FRMD4A: variants seen among roughly 807,000 people sequenced by gnomAD.
FRMD4A encodes FERM domain containing 4A.
A neutral mutation model predicts 129.1 loss-of-function variants in FRMD4A; 29 were observed. The observed-to-expected ratio is 0.22, with a 90% CI of 0.17 to 0.31. The LOEUF (loss-of-function observed/expected upper bound fraction) is 0.31. Ranked by LOEUF, FRMD4A falls within the 10% of genes least tolerant of loss-of-function variation. The pLI, the probability that FRMD4A is intolerant of heterozygous loss-of-function variation, is 1.00. For synonymous variants in FRMD4A, 634 were observed against 571.6 expected (o/e 1.11, Z -1.56); for missense variants, 1,272 against 1,375.8 (o/e 0.92, Z 1.19).
intron 2 of FRMD4A, among the ~76,000 whole-genome samples, chr10:14,001,588 C>T (rs565021837): frequency 3.5e-4 from 53 of 152,328 alleles, no homozygotes; most frequent in Middle Eastern, 3.4e-3. Context: ...AATGGCTTAA[C>T]ATGACATAAG....
chr10:13,936,723 G>C (rs933066656), intron 2 of FRMD4A, among the ~76,000 whole-genome samples: 1 of 152,126 alleles, frequency 6.6e-6, no homozygotes, highest in South Asian at 2.1e-4. Flanking sequence ...CTAGTCTATG[G>C]GATTCTATTA....
At chr10:13,811,619 C>A (rs186828800) in intron 3 of FRMD4A, among the ~76,000 whole-genome samples, 2 of 150,934 alleles carry the variant, frequency 1.3e-5, no homozygotes, top group African/African-American at 4.9e-5. Context: ...CACACCAGAG[C>A]GTTAGGCATA....
intron 2 of FRMD4A, among the ~76,000 whole-genome samples, chr10:14,237,424 A>G (rs1843866011): frequency 6.6e-6 from 1 of 152,086 alleles, no homozygotes; most frequent in African/African-American, 2.4e-5. Context: ...TCTGCCTCCC[A>G]GGTTCAAGTG....
At chr10:14,171,528 T>C (rs1359004483) in intron 2 of FRMD4A, among the ~76,000 whole-genome samples, 2 of 152,306 alleles carry the variant, frequency 1.3e-5, no homozygotes, top group South Asian at 2.1e-4. Context: ...AGACAGAGTA[T>C]GTTCAGGTGC....
chr10:13,816,376 T>C (rs755651889), intron 3 of FRMD4A, among the ~76,000 whole-genome samples: 2 of 152,058 alleles, frequency 1.3e-5, no homozygotes, highest in Non-Finnish European at 2.9e-5. Flanking sequence ...AGAGTGAGAG[T>C]TGATGGATGG....
At chr10:13,736,937 T>G (rs1031053018) in intron 12 of FRMD4A, among the ~76,000 whole-genome samples, 13 of 152,232 alleles carry the variant, frequency 8.5e-5, no homozygotes, top group African/African-American at 3.1e-4. Flanking sequence ...TTGTATCCCT[T>G]TCAAACATTC....
chr10:14,328,377 G>T (rs1229805939), intron 2 of FRMD4A, among the ~76,000 whole-genome samples: 5 of 116,178 alleles, frequency 4.3e-5, no homozygotes, highest in South Asian at 6.8e-4. Context: ...GGTGGGGGGG[G>T]GGGGTGTATA....
chr10:13,910,845 A>G (rs2094932855), intron 2 of FRMD4A, among the ~76,000 whole-genome samples: 1 of 144,618 alleles, frequency 6.9e-6, no homozygotes, highest in African/African-American at 2.6e-5. Context: ...AAACCACGGC[A>G]TCATTCACCA....
At chr10:14,124,748 G>T (rs1005186260) in intron 2 of FRMD4A, among the ~76,000 whole-genome samples, 3 of 152,126 alleles carry the variant, frequency 2.0e-5, no homozygotes, top group Non-Finnish European at 4.4e-5. Flanking sequence ...GTAACAAGTG[G>T]TACAATCAAG....
intron 5 of FRMD4A, among the ~76,000 whole-genome samples, chr10:13,791,739 A>G (rs1346859525): frequency 6.6e-6 from 1 of 152,174 alleles, no homozygotes; most frequent in Non-Finnish European, 1.5e-5. Flanking sequence ...TGATGCAGAA[A>G]CAGCCCAGGA....
At chr10:13,984,871 G>A (rs1370060638) in intron 2 of FRMD4A, among the ~76,000 whole-genome samples, 1 of 152,160 alleles carries the variant, frequency 6.6e-6, no homozygotes, top group Non-Finnish European at 1.5e-5. Context: ...CATTCCTTTG[G>A]GGATTTACCC....
chr10:13,850,292 T>C (rs1414482237), intron 3 of FRMD4A, among the ~76,000 whole-genome samples: 4 of 152,212 alleles, frequency 2.6e-5, no homozygotes, highest in Non-Finnish European at 5.9e-5. Flanking sequence ...TACATTTTTT[T>C]TTCTAGCCCA....
chr10:13,696,668 C>T (rs557621747), intron 14 of FRMD4A, among the ~76,000 whole-genome samples: 10 of 152,202 alleles, frequency 6.6e-5, no homozygotes, highest in Non-Finnish European at 1.0e-4. Flanking sequence ...TGCTTGAACC[C>T]GGGAGGCGGA....
At chr10:14,323,112 G>C (rs1460078651) in intron 2 of FRMD4A, among the ~76,000 whole-genome samples, 1 of 152,206 alleles carries the variant, frequency 6.6e-6, no homozygotes, top group Non-Finnish European at 1.5e-5. Context: ...TTTTCTAAAA[G>C]CGTTAGCTGA....
intron 2 of FRMD4A, among the ~76,000 whole-genome samples, chr10:14,075,493 TCTTTCTGTCGTTG>T (rs1835537546): frequency 2.6e-5 from 4 of 152,356 alleles, no homozygotes; most frequent in Admixed American, 2.0e-4. Context: ...TGTGCCTATC[TCTTTCTGTCGTTG>T]CTCCTTCCAA....
intron 2 of FRMD4A, among the ~76,000 whole-genome samples, chr10:14,159,366 C>T (rs1344497896): frequency 6.6e-6 from 1 of 152,070 alleles, no homozygotes; most frequent in Non-Finnish European, 1.5e-5. Flanking sequence ...ATCTCACTTA[C>T]AATTGCTGCC....
chr10:14,021,703 A>T (rs574374608), intron 2 of FRMD4A, among the ~76,000 whole-genome samples: 3 of 152,354 alleles, frequency 2.0e-5, no homozygotes, highest in Non-Finnish European at 2.9e-5. Flanking sequence ...TTTCATTTTT[A>T]ATCTGGGTGG....
intron 2 of FRMD4A, among the ~76,000 whole-genome samples, chr10:14,053,903 C>T (rs983137301): frequency 9.2e-5 from 14 of 152,066 alleles, no homozygotes; most frequent in African/African-American, 3.4e-4. Context: ...TACAGGTGTC[C>T]CAGCTACGCA....
At chr10:13,675,887 A>G (rs1181247739) in intron 15 of FRMD4A, 2 of 152,136 alleles carry the variant, frequency 1.3e-5, no homozygotes, top group Non-Finnish European at 1.5e-5. Flanking sequence ...TTCTAAGTAC[A>G]TATATTTAAA....
Sources: gnomAD v4.1 joint callset for allele counts (sites outside exome capture counted in the v4.1 genomes callset) on GRCh38, gnomAD v4.1.1 for gene constraint, MANE v1.5 for transcripts, NCBI Gene and HGNC (gene_info 2026-07-23, HGNC 2026-07-21) for gene names.